Variants in CDH13 observed in about 807,000 individuals in gnomAD.
CDH13 encodes the protein cadherin 13.
In CDH13, 24 loss-of-function variants were observed where a neutral mutation model predicts 63.8. The observed-to-expected ratio is 0.38, with a 90% confidence interval of 0.27 to 0.53. The LOEUF is 0.53. Ranked by LOEUF, CDH13 falls within the 20% of genes least tolerant of loss-of-function variation. The pLI, the probability that CDH13 is intolerant of heterozygous loss-of-function variation, is 0.85. For missense variants in CDH13, 1,049 were observed against 903.1 expected, an observed-to-expected ratio of 1.16 and a Z score of -2.07; for synonymous variants, 503 against 355.3, an observed-to-expected ratio of 1.42 and a Z score of -4.67.
chr16:83,188,563 A>C (rs1213022471), intron 4 of CDH13, among the ~76,000 whole-genome samples: 1 of 152,166 alleles, frequency 6.6e-6, no homozygotes, highest in Non-Finnish European at 1.5e-5. Flanking sequence ...TTAAAGCCCC[A>C]TGCCAGGCGT....
At chr16:82,876,927 A>G (rs1276843771) in intron 2 of CDH13, among the ~76,000 whole-genome samples, 1 of 152,216 alleles carries the variant, frequency 6.6e-6, no homozygotes, top group African/African-American at 2.4e-5. Context: ...AACTATCTCA[A>G]GCGTCATTTA....
At chr16:83,217,894 A>G (rs2039588314) in intron 5 of CDH13, among the ~76,000 whole-genome samples, 2 of 152,220 alleles carry the variant, frequency 1.3e-5, no homozygotes, top group Admixed American at 6.5e-5. Context: ...AACAGTTGCT[A>G]AATATTCAGC....
intron 2 of CDH13, among the ~76,000 whole-genome samples, chr16:82,877,092 C>T (rs991646480): frequency 6.6e-6 from 1 of 152,206 alleles, no homozygotes; most frequent in Non-Finnish European, 1.5e-5. Context: ...ATCTCAGCAA[C>T]ATTCCAGAAG....
chr16:82,837,879 C>G (rs903028424), intron 1 of CDH13, among the ~76,000 whole-genome samples: 5 of 152,244 alleles, frequency 3.3e-5, no homozygotes, highest in Non-Finnish European at 7.3e-5. Context: ...CATGGGAATA[C>G]TCTCCAAACC....
chr16:83,402,581 T>C (rs2091984390), intron 6 of CDH13, among the ~76,000 whole-genome samples: 1 of 152,224 alleles, frequency 6.6e-6, no homozygotes, highest in Admixed American at 6.5e-5. Context: ...TTTGGCATGA[T>C]TTATGTATGA....
chr16:83,140,892 G>A (rs1252371421), intron 4 of CDH13, among the ~76,000 whole-genome samples: 4 of 152,194 alleles, frequency 2.6e-5, no homozygotes, highest in Non-Finnish European at 5.9e-5. Flanking sequence ...GCCCAGCAAT[G>A]TATTTTTTTC....
intron 11 of CDH13, among the ~76,000 whole-genome samples, chr16:83,757,180 C>G (rs1273698725): frequency 6.6e-6 from 1 of 152,214 alleles, no homozygotes; most frequent in Admixed American, 6.5e-5. Context: ...AACTCATAAT[C>G]AAAAACAAAA....
chr16:82,997,920 A>AATGTGCATT (rs1335079815), intron 2 of CDH13, among the ~76,000 whole-genome samples: 2 of 152,212 alleles, frequency 1.3e-5, no homozygotes, highest in African/African-American at 4.8e-5. Context: ...GAACTCTAAG[A>AATGTGCATT]ATGTGCATTT....
At chr16:82,991,557 C>A (rs1011989414) in intron 2 of CDH13, among the ~76,000 whole-genome samples, 7 of 152,136 alleles carry the variant, frequency 4.6e-5, no homozygotes, top group African/African-American at 1.4e-4. Flanking sequence ...CAGACTACTG[C>A]AATCCCTCAT....
chr16:83,316,896 G>C (rs1222843888), intron 5 of CDH13, among the ~76,000 whole-genome samples: 5 of 152,286 alleles, frequency 3.3e-5, no homozygotes, highest in South Asian at 2.1e-4. Context: ...GGCTGGGCTG[G>C]GCTCCAGGCT....
chr16:83,711,570 T>C (rs1403053586), intron 10 of CDH13, among the ~76,000 whole-genome samples: 2 of 152,208 alleles, frequency 1.3e-5, no homozygotes, highest in Admixed American at 6.5e-5. Flanking sequence ...TACTGGAGTA[T>C]AGTGGCGCAA....
chr16:82,674,466 A>G (rs1025769455), intron 1 of CDH13, among the ~76,000 whole-genome samples: 20 of 152,220 alleles, frequency 1.3e-4, no homozygotes, highest in African/African-American at 4.8e-4. Context: ...ATTTCTTTTC[A>G]TTCTGTCTCC....
At chr16:83,578,587 T>A (rs888810854) in intron 7 of CDH13, among the ~76,000 whole-genome samples, 3 of 152,168 alleles carry the variant, frequency 2.0e-5, no homozygotes, top group Non-Finnish European at 4.4e-5. Flanking sequence ...CTAAGGGCAG[T>A]AAATATTCAT....
chr16:83,140,611 G>A (rs2036489013), intron 4 of CDH13, among the ~76,000 whole-genome samples: 2 of 152,036 alleles, frequency 1.3e-5, no homozygotes, highest in African/African-American at 2.4e-5. Flanking sequence ...CTGCCACCAT[G>A]CCCTGGCTAA....
intron 10 of CDH13, among the ~76,000 whole-genome samples, chr16:83,688,070 C>A (rs1170845632): frequency 1.3e-5 from 2 of 152,186 alleles, no homozygotes; most frequent in Admixed American, 1.3e-4. Context: ...GATATTTCAG[C>A]CCCAAAAGAT....
At chr16:82,757,662 G>GGGACAGAGTCTCTCTCTTT (rs2034667254) in intron 1 of CDH13, among the ~76,000 whole-genome samples, 1 of 101,878 alleles carries the variant, frequency 9.8e-6, no homozygotes, top group Non-Finnish European at 2.4e-5. Context: ...TTTTTTTTTT[G>GGGACAGAGTCTCTCTCTTT]GGGACAGAGT....
chr16:83,010,157 A>AAAAAAAAAAAC (rs1349143732), intron 2 of CDH13, among the ~76,000 whole-genome samples: 1 of 147,828 alleles, frequency 6.8e-6, no homozygotes, highest in Non-Finnish European at 1.5e-5. Context: ...AAAAAAAAAA[A>AAAAAAAAAAAC]AAAAACAAGA....
At chr16:82,870,532 GTACACAAA>G (rs957728319) in intron 2 of CDH13, among the ~76,000 whole-genome samples, 1 of 152,002 alleles carries the variant, frequency 6.6e-6, no homozygotes, top group Non-Finnish European at 1.5e-5. Flanking sequence ...TGGTTAATGG[GTACACAAA>G]TACAGCTAGA....
chr16:82,971,732 A>C (rs72790196), intron 2 of CDH13, among the ~76,000 whole-genome samples: 18,541 of 152,270 alleles, frequency 0.12, 1,312 homozygotes, highest in East Asian at 0.16. Context: ...CTGTTTAGGT[A>C]AGAATTAAAT....
Sources: gnomAD v4.1 joint callset for allele counts (sites outside exome capture counted in the v4.1 genomes callset) on GRCh38, gnomAD v4.1.1 for gene constraint, MANE v1.5 for transcripts, NCBI Gene and HGNC (gene_info 2026-07-23, HGNC 2026-07-21) for gene names.